Variants in DDA1 observed in about 807,000 individuals in gnomAD.
DDA1 encodes the protein DET1 and DDB1 associated 1.
In DDA1, 3 loss-of-function variants were observed where a neutral mutation model predicts 18.6. The ratio of observed to expected loss-of-function variants is 0.16; its 90% CI spans 0.07 to 0.42. The LOEUF (loss-of-function observed/expected upper bound fraction) is 0.42, where lower values mean the gene tolerates loss of function less well. DDA1 is among the 10% of genes least tolerant of loss of function. The pLI, the probability that DDA1 is intolerant of heterozygous loss-of-function variation, is 0.99. For missense variants in DDA1, 105 were observed against 138.2 expected, an observed-to-expected ratio of 0.76 and a Z score of 1.20; for synonymous variants, 52 against 54.0, an observed-to-expected ratio of 0.96 and a Z score of 0.17.
intron 1 of DDA1, among the ~76,000 whole-genome samples, chr19:17,311,940 C>T (rs1229844152): frequency 1.3e-5 from 2 of 152,148 alleles, no homozygotes; most frequent in East Asian, 3.8e-4. Context: ...CCTTGTTTTC[C>T]AGCTTAGCAT....
At position 17,314,594 on chromosome 19, in the gene DDA1, G is replaced by T; in HGVS notation, c.136+205G>T. 1 of 626,938 alleles carries T rather than the reference G, an allele frequency of 1.6e-6. No homozygotes were observed. Among genetic ancestry groups the T allele is most frequent in the Non-Finnish European group, 2.8e-6 (1 of 362,226 alleles). 38.8% of individuals were successfully genotyped at this position (626,938 alleles called of 1,614,324 possible). ...GGGACCTTGGGGGCTTCAGCCTGGG[G>T]ATGCACACGTGGATGCCTGTCCACT... On this transcript the variant is annotated intron_variant, in intron 3 of 4. Transcript: ENST00000359866. This position sits in a 1 kb window ranked among gnomAD's most constrained non-coding sequence, Gnocchi z 4.6.
rs1043058626 is a variant in DDA1 at position 17,322,023 on chromosome 19, T to G, written c.*2367T>G. ...CCTGCGGTGTCCATCTGTGAATGAC[T>G]GAGATGGTGGGACTTCAGCTTCCAA... On this transcript the variant is annotated 3_prime_UTR_variant, in exon 5 of 5. Coordinates refer to ENST00000359866, the MANE Select transcript of DDA1 (RefSeq NM_024050.6). The G allele has an allele frequency of 6.5e-6, 1 of 152,708 alleles. No homozygotes were observed. The highest frequency in any genetic ancestry group is 2.4e-5 in the African/African-American group (1 of 41,460). The allele number at this position is 152,708 out of a possible 1,614,324, so 9.5% of individuals were successfully genotyped here.
Position 17,315,965 on chromosome 19 carries a change from G to T in DDA1, c.168G>T (p.Leu56=), listed in dbSNP as rs763912406. The part of the protein sequence containing the change: ...IIVTEKTNIL[L]RYLHQQWDKK... The stretch of plus-strand genomic sequence containing the variant: ...TGACAGAAAAGACAAACATCCTCCT[G>T]CGCTACCTGCATCAGCAATGGGACA... The change falls in exon 4 of 5, where the codon CTG becomes CTT. Residue 56 remains leucine (L), a synonymous_variant. Transcript: ENST00000359866. 2 of 1,614,156 alleles carry T rather than the reference G, an allele frequency of 1.2e-6. No homozygotes were observed.
chr19:17,310,194 C>A (rs1216826150), intron 1 of DDA1: 1 of 154,580 alleles, frequency 6.5e-6, no homozygotes, highest in African/African-American at 2.4e-5. Context: ...AAACTTTTAT[C>A]TCCGATCCGC....
rs778137430 is a variant in DDA1, at chr19:17,319,644, C to T, written c.297C>T (p.His99=). The change falls in exon 5 of 5, where the codon CAC becomes CAT. Residue 99 remains histidine (H), a synonymous_variant. Coordinates refer to ENST00000359866, the MANE Select transcript of DDA1 (RefSeq NM_024050.6). ...CGCGGACCGACAGCCCAGACATGCA[C>T]GAGGACACTTAAGACTCTCAACTCC... is the stretch of plus-strand genomic sequence containing the variant. ...KVARTDSPDM[H]EDT is the part of the protein sequence containing the mutation. The T allele has an allele frequency of 8.9e-6, 14 of 1,570,668 alleles. No homozygotes were observed. Among genetic ancestry groups the T allele is most frequent in the Middle Eastern group, 1.7e-4 (1 of 6,020 alleles).
At chr19:17,310,910 C>T (rs189362050) in intron 1 of DDA1, among the ~76,000 whole-genome samples, 42 of 152,324 alleles carry the variant, frequency 2.8e-4, no homozygotes, top group African/African-American at 9.4e-4. Flanking sequence ...GCCTTGCTCT[C>T]ACCCCTTTGG....
rs560242100 is a variant in DDA1 at position 17,313,734 on chromosome 19, G to A, written c.4-289G>A. Among the ~76,000 whole-genome samples the A allele has an allele frequency of 4.6e-5, 7 of 152,192 alleles. No individual in the cohort carries two copies. The East Asian group carries it at 1.2e-3, about 25-fold the overall frequency. ...CTGGGATTCAGGCGGGAGCCACTGC[G>A]GTATGACTTTTAACCAGTGGCCTGT... On this transcript the variant is annotated intron_variant, in intron 1 of 4. Transcript: ENST00000359866.
chr19:17,319,746 C>T lies in DDA1; in HGVS notation c.*90C>T. The T allele has an allele frequency of 8.5e-7, 1 of 1,181,428 alleles. No individual in the cohort carries two copies. The highest frequency in any genetic ancestry group is 2.6e-5 in the East Asian group (1 of 38,958). The allele number at this position is 1,181,428 out of a possible 1,614,324, so 73.2% of individuals were successfully genotyped here. A position where few individuals can be genotyped will look rare whatever the true frequency, so the allele number is the denominator to read the frequency against. ...CATGTGTAAGCACCCCGCCCGCCCG[C>T]CTCCCTGCCGGCCCATCCACACCCT... On this transcript the variant is annotated 3_prime_UTR_variant, in exon 5 of 5. Coordinates refer to ENST00000359866, the MANE Select transcript of DDA1 (RefSeq NM_024050.6).
chr19:17,313,626 A>G (rs2074189343), intron 1 of DDA1, among the ~76,000 whole-genome samples: 1 of 151,922 alleles, frequency 6.6e-6, no homozygotes, highest in Non-Finnish European at 1.5e-5. Context: ...TATTTTTAGT[A>G]GAGATGAGGT....
At chr19:17,315,695 G>C (rs1313442733) in intron 3 of DDA1, 5 of 596,178 alleles carry the variant, frequency 8.4e-6, no homozygotes, top group Non-Finnish European at 1.5e-5. Flanking sequence ...TCTCAGTTGC[G>C]GGGCTTGGTC....
In DDA1 at chr19:17,311,672, C is replaced by T. The variant is rs555506703; in HGVS notation, c.3+2015C>T. Among the ~76,000 whole-genome samples the T allele has an allele frequency of 4.4e-3, 669 of 152,334 alleles. 6 individuals carry two copies. Among genetic ancestry groups the T allele is most frequent in the Non-Finnish European group, 6.4e-3 (433 of 68,036 alleles). ...TTCCTGCTACCCCAGGGCCTTTACA[C>T]CTGCTGCTCTTTCTGCTCGGAACAC... On this transcript the variant is annotated intron_variant, in intron 1 of 4. Coordinates refer to ENST00000359866, the MANE Select transcript of DDA1 (RefSeq NM_024050.6).
intron 3 of DDA1, among the ~76,000 whole-genome samples, chr19:17,315,121 GTA>G (rs58226364): frequency 7.3e-5 from 6 of 82,406 alleles, no homozygotes; most frequent in East Asian, 6.9e-4. Context: ...ATACACACAC[GTA>G]TATATACACA....
intron 4 of DDA1, among the ~76,000 whole-genome samples, chr19:17,319,105 A>G (rs2074227399): frequency 1.3e-5 from 2 of 152,174 alleles, no homozygotes; most frequent in Admixed American, 1.3e-4. Flanking sequence ...TGAGTGCTTG[A>G]GAAACCAGCC....
chr19:17,309,675 G>A lies in DDA1; in HGVS notation c.3+18G>A, dbSNP rs774329325. ...AGAAGATGGTGAGGATGGCCTCCAG[G>A]CCCCCACTCCCCCTCTGCTAGACAA... On this transcript the variant is annotated intron_variant, in intron 1 of 4. Transcript: ENST00000359866. The A allele has an allele frequency of 3.5e-5, 57 of 1,612,086 alleles. No homozygotes were observed. Among genetic ancestry groups the A allele is most frequent in the Non-Finnish European group, 4.5e-5 (53 of 1,178,924 alleles).
chr19:17,319,714 T>TGCCCGCCATGTGTAAGCACCCCGCCC lies in DDA1; in HGVS notation c.*66_*91dup. ...TCTGCTCCTCGGTCGCCCACCCGCC[T>TGCCCGCCATGTGTAAGCACCCCGCCC]GCCCGCCATGTGTAAGCACCCCGCC... On this transcript the variant is annotated 3_prime_UTR_variant, in exon 5 of 5. Coordinates refer to ENST00000359866, the MANE Select transcript of DDA1 (RefSeq NM_024050.6). The TGCCCGCCATGTGTAAGCACCCCGCCC allele has an allele frequency of 1.3e-6, 2 of 1,491,654 alleles. No individual in the cohort carries two copies. Among genetic ancestry groups the TGCCCGCCATGTGTAAGCACCCCGCCC allele is most frequent in the South Asian group, 2.4e-5 (2 of 81,856 alleles). 92.4% of individuals were successfully genotyped at this position (1,491,654 alleles called of 1,614,324 possible). A position where few individuals can be genotyped will look rare whatever the true frequency, so the allele number is the denominator to read the frequency against.
At position 17,309,568 on chromosome 19, in the gene DDA1, A is replaced by G. The variant is rs1264326561; in HGVS notation, c.-87A>G. ...GTGGGCTGTGCCGTGGCTGGAAGTT[A>G]CTGTGAGGCGGCGGCTAAGAAGGCG... On this transcript the variant is annotated 5_prime_UTR_variant, in exon 1 of 5. Coordinates refer to ENST00000359866, the MANE Select transcript of DDA1 (RefSeq NM_024050.6). The G allele has an allele frequency of 7.3e-7, 1 of 1,373,728 alleles. No individual in the cohort carries two copies. The highest frequency in any genetic ancestry group is 1.0e-6 in the Non-Finnish European group (1 of 965,898). The allele number at this position is 1,373,728 out of a possible 1,614,324, so 85.1% of individuals were successfully genotyped here. A position where few individuals can be genotyped will look rare whatever the true frequency, so the allele number is the denominator to read the frequency against.
In DDA1 at chr19:17,314,292, A is replaced by G; in HGVS notation, c.85-46A>G. The G allele has an allele frequency of 1.2e-6, 2 of 1,611,094 alleles. No homozygotes were observed. The highest frequency in any genetic ancestry group is 1.7e-6 in the Non-Finnish European group (2 of 1,177,302). On this transcript the variant is annotated intron_variant, in intron 2 of 4. Transcript: ENST00000359866. This position sits in a 1 kb window ranked among gnomAD's most constrained non-coding sequence, Gnocchi z 4.6. Reference sequence around the variant, plus strand: ...CTGAGTGGAGGGATGAGGAGACCCCAGGCCCATGCACTCTCCTAACCCACC... The same window carrying G: ...CTGAGTGGAGGGATGAGGAGACCCCGGGCCCATGCACTCTCCTAACCCACC...
intron 1 of DDA1, among the ~76,000 whole-genome samples, chr19:17,310,859 C>T (rs1179162500): frequency 6.6e-6 from 1 of 152,188 alleles, no homozygotes; most frequent in Non-Finnish European, 1.5e-5. Flanking sequence ...ACTGCCACTT[C>T]CCACCTGCAT....
At chr19:17,313,097 A>C (rs2074186532) in intron 1 of DDA1, among the ~76,000 whole-genome samples, 1 of 152,036 alleles carries the variant, frequency 6.6e-6, no homozygotes, top group Non-Finnish European at 1.5e-5. Context: ...CTCAGGCATC[A>C]GGGGATGGCC....
Sources: gnomAD v4.1 joint callset for allele counts (sites outside exome capture counted in the v4.1 genomes callset) on GRCh38, gnomAD v4.1.1 for gene constraint, Gnocchi (gnomAD v3.1) non-coding constraint, MANE v1.5 for transcripts, NCBI Gene and HGNC (gene_info 2026-07-23, HGNC 2026-07-21) for gene names.